Variants in ARHGEF1 observed in about 807,000 individuals in gnomAD.
ARHGEF1 encodes the protein 115 kDa guanine nucleotide exchange factor.
ARHGEF1 carries 40 observed loss-of-function variants against 119.7 expected under a neutral mutation model. That is an observed-to-expected ratio of 0.33 (90% confidence interval 0.26 to 0.44). The LOEUF (loss-of-function observed/expected upper bound fraction) is 0.44. ARHGEF1 is among the 20% of genes least tolerant of loss of function. ARHGEF1 has a pLI of 1.00. For missense variants in ARHGEF1, 976 were observed against 1,268.3 expected, an observed-to-expected ratio of 0.77 and a Z score of 3.50; for synonymous variants, 494 against 521.0, an observed-to-expected ratio of 0.95 and a Z score of 0.71.
In ARHGEF1 at chr19:41,905,142, C is replaced by T; in HGVS notation, c.2250-33C>T. The T allele has an allele frequency of 6.2e-7, 1 of 1,613,164 alleles. No homozygotes were observed. Among genetic ancestry groups the T allele is most frequent in the Non-Finnish European group, 8.5e-7 (1 of 1,179,234 alleles). ...GGCCCTGGCATAGGGTCTGGGGGCT[C>T]TGACTGCCCAGGGATTTGGCCTTTC... On this transcript the variant is annotated intron_variant, in intron 23 of 28. Transcript: ENST00000354532. The surrounding 1 kb of genome is among the most constrained non-coding windows in gnomAD (Gnocchi z 6.4).
chr19:41,928,821 C>T (rs1472488900), intron 1 of ARHGEF1: 5 of 436,480 alleles, frequency 1.1e-5, no homozygotes, highest in Non-Finnish European at 2.3e-5. Context: ...CCGCCCCGCT[C>T]CTCCCTAAGT....
intron 1 of ARHGEF1, chr19:41,928,592 A>AGGCGGC (rs1297311398): frequency 2.2e-5 from 4 of 181,484 alleles, no homozygotes; most frequent in African/African-American, 4.9e-5. Context: ...AGATATATGG[A>AGGCGGC]GGCGGCGGCG....
chr19:41,904,725 G>C lies in ARHGEF1; in HGVS notation c.2162-224G>C, dbSNP rs543297725. ...GGGTGGGAGTGGCTGGAGGGGTTTC[G>C]TTAGGTAAGCCAGGGTACATGCCCG... On this transcript the variant is annotated intron_variant, in intron 22 of 28. Coordinates refer to ENST00000354532, the MANE Select transcript of ARHGEF1 (RefSeq NM_004706.4). The surrounding 1 kb of genome is among the most constrained non-coding windows in gnomAD (Gnocchi z 8.4). 9.9e-5 allele frequency among the ~76,000 whole-genome samples: 15 copies of C among 152,208 alleles called. No individual in the cohort carries two copies. Among genetic ancestry groups the C allele is most frequent in the Middle Eastern group, 3.4e-3 (1 of 294 alleles).
upstream of ARHGEF1, among the ~76,000 whole-genome samples, chr19:41,920,296 T>G (rs1458118787): frequency 2.4e-5 from 3 of 126,152 alleles, no homozygotes; most frequent in Non-Finnish European, 4.9e-5. Context: ...CTCACAGACA[T>G]GCGCTCACAG....
chr19:41,893,248 C>T (rs781836358), intron 7 of ARHGEF1, 26 bp from the exon 8 acceptor site: 4 of 1,612,378 alleles, frequency 2.5e-6, no homozygotes, highest in Non-Finnish European at 8.5e-7. Flanking sequence ...GCAAATATGT[C>T]ACAAACATCT....
At chr19:41,884,699 T>C (rs1209084602) in intron 1 of ARHGEF1, among the ~76,000 whole-genome samples, 1 of 152,084 alleles carries the variant, frequency 6.6e-6, no homozygotes, top group African/African-American at 2.4e-5. Context: ...CAGCCCCCCA[T>C]GGAGAACTGG....
At chr19:41,919,695 A>G (rs1259974063), upstream of ARHGEF1, among the ~76,000 whole-genome samples, 1 of 151,776 alleles carries the variant, frequency 6.6e-6, no homozygotes. Flanking sequence ...ACCCACACTC[A>G]CCAGCCCAGC....
rs1164809260 is a variant in ARHGEF1 at position 41,902,759 on chromosome 19, C to T, written c.1624-25C>T. Reference sequence around the variant, plus strand: ...GGGGTGAGCCCAAAGCCTGGGCCATCGCAACACCAGCATGTTTCCCGCAGG... The same window carrying T: ...GGGGTGAGCCCAAAGCCTGGGCCATTGCAACACCAGCATGTTTCCCGCAGG... On this transcript the variant is annotated intron_variant, in intron 17 of 28. Coordinates refer to ENST00000354532, the MANE Select transcript of ARHGEF1 (RefSeq NM_004706.4). This position sits in a 1 kb window ranked among gnomAD's most constrained non-coding sequence, Gnocchi z 6.5. 5 of 1,613,084 alleles carry T rather than the reference C, an allele frequency of 3.1e-6. No individual in the cohort carries two copies. In the Admixed American group the frequency reaches 5.0e-5, roughly 16 times the overall value.
At position 41,913,010 on chromosome 19, in the gene ARHGEF1, C is replaced by G. The variant is rs2074762998; in HGVS notation, c.1865+6207C>G. The G allele has an allele frequency of 8.4e-6, 5 of 592,756 alleles. No homozygotes were observed. In the South Asian group the frequency reaches 4.3e-4, roughly 51 times the overall value. The allele number at this position is 592,756 out of a possible 1,614,324, so 36.7% of individuals were successfully genotyped here. A position where few individuals can be genotyped will look rare whatever the true frequency, so the allele number is the denominator to read the frequency against. On this transcript the variant is annotated intron_variant, in intron 18 of 20. Coordinates refer to the ARHGEF1 transcript ENST00000599589. ...ACAGGTCAGCCAGCGGGGCGCTGCCCGGGGCCTTCCCCTCTCCCAGGTCCC... is the reference window on the plus strand; with the variant it reads ...ACAGGTCAGCCAGCGGGGCGCTGCCGGGGGCCTTCCCCTCTCCCAGGTCCC...
At position 41,902,761 on chromosome 19, in the gene ARHGEF1, C is replaced by T. The variant is rs2074624784; in HGVS notation, c.1624-23C>T. On this transcript the variant is annotated intron_variant, in intron 17 of 28. Coordinates refer to ENST00000354532, the MANE Select transcript of ARHGEF1 (RefSeq NM_004706.4). This position sits in a 1 kb window ranked among gnomAD's most constrained non-coding sequence, Gnocchi z 6.5. The stretch of plus-strand genomic sequence containing the variant: ...GGTGAGCCCAAAGCCTGGGCCATCG[C>T]AACACCAGCATGTTTCCCGCAGGAA... 6.2e-7 allele frequency: 1 copy of T among 1,613,340 alleles called. No homozygotes were observed. Among genetic ancestry groups the T allele is most frequent in the Non-Finnish European group, 8.5e-7 (1 of 1,179,918 alleles).
chr19:41,904,487 T>C lies in ARHGEF1; in HGVS notation c.2161+104T>C. ...CCTCTAGAGAGCCAGGGAGCCAGCA[T>C]TCTAGCAAAGAGGTTGAGAAGTAGG... On this transcript the variant is annotated intron_variant, in intron 22 of 28. Transcript: ENST00000354532. The surrounding 1 kb of genome is among the most constrained non-coding windows in gnomAD (Gnocchi z 8.4). 2 of 1,356,536 alleles carry C rather than the reference T, an allele frequency of 1.5e-6. No homozygotes were observed. Among genetic ancestry groups the C allele is most frequent in the Non-Finnish European group, 2.0e-6 (2 of 1,022,270 alleles). The allele number at this position is 1,356,536 out of a possible 1,614,324, so 84.0% of individuals were successfully genotyped here. A position where few individuals can be genotyped will look rare whatever the true frequency, so the allele number is the denominator to read the frequency against.
rs1447755454 is a variant in ARHGEF1 at position 41,888,336 on chromosome 19, C to T, written c.111+58C>T. ...CCAGGCTCAGTGTCCCGCCCCAGGT[C>T]CCCTCCCACCTGCAGATGCTGTCTT... is the stretch of plus-strand genomic sequence containing the variant. On this transcript the variant is annotated intron_variant, in intron 3 of 28. Transcript: ENST00000354532. This position sits in a 1 kb window ranked among gnomAD's most constrained non-coding sequence, Gnocchi z 5.1. The T allele has an allele frequency of 6.6e-7, 1 of 1,526,578 alleles. No homozygotes were observed. The highest frequency in any genetic ancestry group is 9.0e-7 in the Non-Finnish European group (1 of 1,108,552). The allele number at this position is 1,526,578 out of a possible 1,614,324, so 94.6% of individuals were successfully genotyped here. A position where few individuals can be genotyped will look rare whatever the true frequency, so the allele number is the denominator to read the frequency against.
chr19:41,890,686 A>G (rs1315373143), intron 4 of ARHGEF1: 1 of 151,826 alleles, frequency 6.6e-6, no homozygotes, highest in African/African-American at 2.4e-5. Flanking sequence ...AGGCTGAGGC[A>G]GGAGACTCAC....
Position 41,905,194 on chromosome 19 carries a change from G to A in ARHGEF1, c.2269G>A (p.Glu757Lys). ...ERKNWCALIT[E>K]TAGSLKVPAP... ...CCCCAGCTGGTGTGCTCTCATCACT[G>A]AGACTGCCGGATCCCTGAAAGTCCC... Residue 757 changes from glutamate to lysine, a missense_variant, in exon 24 of 29, where the codon GAG becomes AAG. Glu to Lys is a moderately conservative substitution (Grantham distance 56, BLOSUM62 1). Coordinates refer to ENST00000354532, the MANE Select transcript of ARHGEF1 (RefSeq NM_004706.4). The surrounding 1 kb of genome is among the most constrained non-coding windows in gnomAD (Gnocchi z 6.4). 1 of 1,614,042 alleles carries A rather than the reference G, an allele frequency of 6.2e-7. No homozygotes were observed. The highest frequency in any genetic ancestry group is 8.5e-7 in the Non-Finnish European group (1 of 1,179,958).
At position 41,896,337 on chromosome 19, in the gene ARHGEF1, C is replaced by T. The variant is rs549598488; in HGVS notation, c.1016-40C>T. On this transcript the variant is annotated intron_variant, in intron 12 of 28. Transcript: ENST00000354532. ...CCCCAGAGTGTGGGTCTCGTGGCCGCAGAGGCCTTCCAGCCAGCCCTGCTC... is the reference window on the plus strand; with the variant it reads ...CCCCAGAGTGTGGGTCTCGTGGCCGTAGAGGCCTTCCAGCCAGCCCTGCTC... 5.2e-6 allele frequency: 6 copies of T among 1,160,352 alleles called. No individual in the cohort carries two copies. In the African/African-American group the frequency reaches 9.8e-5, roughly 19 times the overall value. The allele number at this position is 1,160,352 out of a possible 1,614,324, so 71.9% of individuals were successfully genotyped here.
chr19:41,911,539 T>G (rs2074751370), downstream of ARHGEF1, among the ~76,000 whole-genome samples: 2 of 152,124 alleles, frequency 1.3e-5, no homozygotes. Flanking sequence ...GGCTGCCTGG[T>G]GTAGAAAAGT....
At position 41,903,168 on chromosome 19, in the gene ARHGEF1, C is replaced by T. The variant is rs1010095034; in HGVS notation, c.1739-139C>T. 8 of 745,698 alleles carry T rather than the reference C, an allele frequency of 1.1e-5. No homozygotes were observed. The highest frequency in any genetic ancestry group is 2.7e-5 in the East Asian group (1 of 36,984). 46.2% of individuals were successfully genotyped at this position (745,698 alleles called of 1,614,324 possible). ...AACTCCTGGTCTCAAGCTATCCTCC[C>T]GCCTCAGCCTCCCAAAGTGCTTGGA... On this transcript the variant is annotated intron_variant, in intron 18 of 28. Coordinates refer to ENST00000354532, the MANE Select transcript of ARHGEF1 (RefSeq NM_004706.4). The surrounding 1 kb of genome is among the most constrained non-coding windows in gnomAD (Gnocchi z 4.2).
intron 4 of ARHGEF1, among the ~76,000 whole-genome samples, chr19:41,891,566 G>A (rs2074377247): frequency 6.6e-6 from 1 of 152,208 alleles, no homozygotes; most frequent in Non-Finnish European, 1.5e-5. Context: ...TTACAGGTGT[G>A]AGCCACTGTG....
In ARHGEF1 at chr19:41,916,045, C is replaced by G. The variant is rs1356016125; in HGVS notation, c.1866-7047C>G. Among the ~76,000 whole-genome samples, 4 of 152,214 alleles carry G rather than the reference C, an allele frequency of 2.6e-5. No individual in the cohort carries two copies. The East Asian group carries it at 7.7e-4, about 29-fold the overall frequency. The stretch of plus-strand genomic sequence containing the variant: ...CCCTTCGCCCCCCATCTCTACCGCC[C>G]GCAGCCATGGCACCGAATGTGTGTG... On this transcript the variant is annotated intron_variant, in intron 18 of 20. Transcript: ENST00000599589. The surrounding 1 kb of genome is among the most constrained non-coding windows in gnomAD (Gnocchi z 5.4).
Sources: gnomAD v4.1 joint callset for allele counts (sites outside exome capture counted in the v4.1 genomes callset) on GRCh38, gnomAD v4.1.1 for gene constraint, Gnocchi (gnomAD v3.1) non-coding constraint, MANE v1.5 for transcripts, NCBI Gene and HGNC (gene_info 2026-07-23, HGNC 2026-07-21) for gene names.